Variants in USH2A observed in about 807,000 individuals in gnomAD.
The protein encoded by USH2A is Usher syndrome 2A (autosomal recessive, mild).
A neutral mutation model predicts 538.9 loss-of-function variants in USH2A; 443 were observed. That is an observed-to-expected ratio of 0.82 (90% CI 0.76 to 0.89). USH2A has a LOEUF of 0.89. Among genes scored for constraint, USH2A ranks in the 40% least tolerant of loss-of-function variants. The pLI is 0.00. For synonymous variants in USH2A, 2,413 were observed against 2,273.5 expected (o/e 1.06, Z -1.75); for missense variants, 6,633 against 6,324.8 (o/e 1.05, Z -1.65).
chr1:216,106,740 A>C (rs1243206008), intron 21 of USH2A, among the ~76,000 whole-genome samples: 3 of 151,746 alleles, frequency 2.0e-5, no homozygotes, highest in African/African-American at 7.3e-5. Context: ...TTTTAAGAAG[A>C]AGCTTAGGAA....
intron 13 of USH2A, among the ~76,000 whole-genome samples, chr1:216,243,831 C>G (rs1238565166): frequency 6.6e-6 from 1 of 152,208 alleles, no homozygotes; most frequent in East Asian, 1.9e-4. Context: ...TTAATGCTCC[C>G]TACTCTTAAC....
chr1:215,702,925 G>T (rs117861936), intron 61 of USH2A, among the ~76,000 whole-genome samples: 2,189 of 151,890 alleles, frequency 0.014, 90 homozygotes, highest in East Asian at 0.1. Flanking sequence ...TTTTTGCGCT[G>T]GTTTACTCTC....
intron 41 of USH2A, among the ~76,000 whole-genome samples, chr1:215,886,813 C>G (rs1038198821): frequency 6.6e-6 from 1 of 152,106 alleles, no homozygotes; most frequent in Non-Finnish European, 1.5e-5. Flanking sequence ...TTTATATATG[C>G]TGAATCAAGC....
At chr1:215,708,048 C>T (rs947696515) in intron 61 of USH2A, among the ~76,000 whole-genome samples, 2 of 152,150 alleles carry the variant, frequency 1.3e-5, no homozygotes, top group African/African-American at 4.8e-5. Flanking sequence ...ATTTGACCAT[C>T]ATATCTGAAG....
At chr1:215,900,675 G>C in intron 39 of USH2A, 80 bp downstream of exon 39, 1 of 1,590,616 alleles carries the variant, frequency 6.3e-7, no homozygotes, top group Non-Finnish European at 8.6e-7. Flanking sequence ...TTTTGCAAAT[G>C]AGAACTGACC....
chr1:215,859,395 G>A lies in USH2A; in HGVS notation c.8845+7612C>T, dbSNP rs12406554. Among the ~76,000 whole-genome samples the A allele has an allele frequency of 1.7e-3, 260 of 152,098 alleles. 1 individual carries two copies. Among genetic ancestry groups the A allele is most frequent in the African/African-American group, 5.7e-3 (238 of 41,492 alleles). On this transcript the variant is annotated intron_variant, in intron 44 of 71. Transcript: ENST00000307340. ...TAAAAATACAAAAAATCAGCCAGGC[G>A]TGGTGGGATGTGCCTGTAGTCCCAG... is the stretch of plus-strand genomic sequence containing the variant.
chr1:216,199,518 T>C lies in USH2A; in HGVS notation c.3811+109A>G, dbSNP rs2034932280. 2.7e-6 allele frequency: 4 copies of C among 1,475,846 alleles called. No individual in the cohort carries two copies. The African/African-American group carries it at 4.2e-5, about 15-fold the overall frequency. 91.4% of individuals were successfully genotyped at this position (1,475,846 alleles called of 1,614,324 possible). Reference sequence around the variant, plus strand: ...AGAAACTGTTTCTCAATTATTATATTGTGCAGTTATAAAAAGGAATACAAC... The same window carrying C: ...AGAAACTGTTTCTCAATTATTATATCGTGCAGTTATAAAAAGGAATACAAC... On this transcript the variant is annotated intron_variant, in intron 17 of 71. Transcript: ENST00000307340.
intron 9 of USH2A, among the ~76,000 whole-genome samples, chr1:216,305,602 G>T (rs1403667864): frequency 1.3e-5 from 2 of 151,542 alleles, no homozygotes; most frequent in Non-Finnish European, 2.9e-5. Flanking sequence ...TTTTTTATAG[G>T]TCCTGTGAGA....
chr1:215,744,085 G>A (rs1660395751), intron 58 of USH2A, among the ~76,000 whole-genome samples: 1 of 152,108 alleles, frequency 6.6e-6, no homozygotes, highest in Admixed American at 6.6e-5. Context: ...AAAGTTCATA[G>A]AAAACAACAC....
At chr1:216,159,109 G>T (rs975780484) in intron 21 of USH2A, among the ~76,000 whole-genome samples, 13 of 151,716 alleles carry the variant, frequency 8.6e-5, no homozygotes, top group Admixed American at 1.3e-4. Context: ...ATATTATTTT[G>T]ACATCAATAA....
chr1:215,815,798 C>T (rs546157386), intron 48 of USH2A, among the ~76,000 whole-genome samples: 4 of 152,038 alleles, frequency 2.6e-5, no homozygotes, highest in African/African-American at 7.2e-5. Context: ...ACTAGTTTTA[C>T]TCTACTTAGC....
intron 61 of USH2A, among the ~76,000 whole-genome samples, chr1:215,692,699 T>C (rs1033665933): frequency 4.6e-5 from 7 of 152,166 alleles, no homozygotes; most frequent in Non-Finnish European, 1.0e-4. Flanking sequence ...GTATGTAAAC[T>C]ACCAGGCTAT....
At chr1:215,698,503 A>T (rs1658890023) in intron 61 of USH2A, among the ~76,000 whole-genome samples, 1 of 152,098 alleles carries the variant, frequency 6.6e-6, no homozygotes, top group Non-Finnish European at 1.5e-5. Flanking sequence ...TTGACTTTTT[A>T]ATTATCACCA....
At chr1:215,958,638 C>CCTAAT (rs1456428276) in intron 37 of USH2A, among the ~76,000 whole-genome samples, 2 of 151,946 alleles carry the variant, frequency 1.3e-5, no homozygotes, top group African/African-American at 2.4e-5. Context: ...CTGGAAATAT[C>CCTAAT]CTAATCGGTC....
chr1:215,745,305 T>C (rs1660440549), intron 58 of USH2A, among the ~76,000 whole-genome samples: 1 of 152,190 alleles, frequency 6.6e-6, no homozygotes, highest in Admixed American at 6.5e-5. Context: ...AGAGTCTACC[T>C]ATATTTTAGA....
At position 216,199,995 on chromosome 1, in the gene USH2A, G is replaced by A. The variant is rs141339026; in HGVS notation, c.3443C>T (p.Pro1148Leu). Residue 1148 changes from proline to leucine, a missense_variant, in exon 17 of 72, where the codon CCA (proline) becomes CTA (leucine). Physicochemically the swap from Pro to Leu is moderately conservative, Grantham distance 98. Transcript: ENST00000307340. ...ATAACTTAAAGTCAAGTTTCCCTCT[G>A]GGACCCCTGGTTTTGTCTTGTAAGT... ...AVTYKTKPGVPEGNLTLSYII... is the reference protein window; with the variant it reads ...AVTYKTKPGVLEGNLTLSYII... The A allele has an allele frequency of 9.1e-5, 147 of 1,613,960 alleles. No individual in the cohort carries two copies. Among genetic ancestry groups the A allele is most frequent in the Non-Finnish European group, 1.2e-4 (137 of 1,180,004 alleles).
At chr1:216,408,781 C>T (rs1463532895) in intron 3 of USH2A, among the ~76,000 whole-genome samples, 3 of 152,090 alleles carry the variant, frequency 2.0e-5, no homozygotes, top group Non-Finnish European at 4.4e-5. Context: ...AACTGTGATA[C>T]AGCAACAGCT....
At chr1:216,365,669 G>T (rs991271464) in intron 3 of USH2A, among the ~76,000 whole-genome samples, 2 of 144,208 alleles carry the variant, frequency 1.4e-5, no homozygotes, top group African/African-American at 4.9e-5. Context: ...GCACATATTA[G>T]GGATTAGCAA....
chr1:216,250,618 A>T (rs551570561), intron 12 of USH2A, among the ~76,000 whole-genome samples: 1 of 152,370 alleles, frequency 6.6e-6, no homozygotes, highest in Admixed American at 6.5e-5. Flanking sequence ...CTATGCAGTA[A>T]GCAAATTATA....
Sources: allele counts gnomAD v4.1 joint callset (sites outside exome capture counted in the v4.1 genomes callset), GRCh38; gene constraint gnomAD v4.1.1; transcripts MANE v1.5; gene names NCBI Gene and HGNC (gene_info 2026-07-23, HGNC 2026-07-21).